Variants in EIF5B observed in about 807,000 individuals in gnomAD.
EIF5B encodes the protein eukaryotic translation initiation factor 5B.
A neutral mutation model predicts 147.5 loss-of-function variants in EIF5B; 47 were observed. The ratio of observed to expected loss-of-function variants is 0.32; its 90% CI spans 0.25 to 0.41. EIF5B has a LOEUF of 0.41. Ranked by LOEUF, EIF5B falls within the 10% of genes least tolerant of loss-of-function variation. The pLI is 1.00. For synonymous variants in EIF5B, 455 were observed against 456.2 expected (o/e 1.00, Z 0.03); for missense variants, 1,064 against 1,413.2 (o/e 0.75, Z 3.96).
At chr2:99,398,328 T>C (rs1675107527) in intron 22 of EIF5B, 1 of 157,118 alleles carries the variant, frequency 6.4e-6, no homozygotes, top group African/African-American at 2.4e-5. Context: ...ACTCATCTGC[T>C]CACAGGCCAT....
chr2:99,364,669 A>T (rs1674290555), intron 6 of EIF5B, among the ~76,000 whole-genome samples: 2 of 152,226 alleles, frequency 1.3e-5, no homozygotes, highest in African/African-American at 4.8e-5. Context: ...CACAAACAAG[A>T]ATAGTGATAA....
At chr2:99,385,891 C>G (rs780258654) in intron 14 of EIF5B, among the ~76,000 whole-genome samples, 1 of 152,220 alleles carries the variant, frequency 6.6e-6, no homozygotes, top group African/African-American at 2.4e-5. Flanking sequence ...GCTGCCCTCC[C>G]TAAACTCAAG....
intron 12 of EIF5B, among the ~76,000 whole-genome samples, chr2:99,381,957 G>T (rs1449377616): frequency 1.3e-5 from 2 of 151,882 alleles, no homozygotes; most frequent in Non-Finnish European, 1.5e-5. Context: ...TTCTCATTTA[G>T]TATTTTTTTG....
At chr2:99,371,483 C>T (rs1306115955) in intron 8 of EIF5B, among the ~76,000 whole-genome samples, 173 bp from the exon 9 acceptor site, 1 of 125,600 alleles carries the variant, frequency 8.0e-6, no homozygotes, top group Non-Finnish European at 1.7e-5. Context: ...GCAAAGACTC[C>T]GTCTCAAAAA....
At chr2:99,370,289 C>G (rs553902159) in intron 8 of EIF5B, among the ~76,000 whole-genome samples, 2 of 151,914 alleles carry the variant, frequency 1.3e-5, no homozygotes, top group Admixed American at 6.6e-5. Flanking sequence ...CTAACTCTTA[C>G]GACTAGATAT....
chr2:99,376,687 A>G (rs1457519717), intron 10 of EIF5B, 51 bp downstream of exon 10: 1 of 1,540,646 alleles, frequency 6.5e-7, no homozygotes, highest in Non-Finnish European at 8.7e-7. Flanking sequence ...CTCTGTGATG[A>G]TTAAAACAGT....
chr2:99,374,490 T>G (rs1046342309), intron 9 of EIF5B, among the ~76,000 whole-genome samples: 3 of 152,162 alleles, frequency 2.0e-5, no homozygotes, highest in Non-Finnish European at 4.4e-5. Context: ...AAGAACACTT[T>G]AGAGTTTTTT....
At chr2:99,362,501 C>T (rs1009463071) in intron 4 of EIF5B, among the ~76,000 whole-genome samples, 1 of 152,018 alleles carries the variant, frequency 6.6e-6, no homozygotes, top group African/African-American at 2.4e-5. Context: ...GAGATATAGA[C>T]CATCCTGGCT....
At chr2:99,366,964 T>C (rs940750126) in intron 6 of EIF5B, among the ~76,000 whole-genome samples, 2 of 152,162 alleles carry the variant, frequency 1.3e-5, no homozygotes, top group African/African-American at 4.8e-5. Flanking sequence ...TAGCAAGTGG[T>C]ACTAGAACAA....
chr2:99,351,055 G>T (rs907832486), intron 1 of EIF5B, among the ~76,000 whole-genome samples: 1 of 152,212 alleles, frequency 6.6e-6, no homozygotes. Context: ...GGCCAGGCAT[G>T]GTGGCTCACC....
chr2:99,361,582 A>C lies in EIF5B; in HGVS notation c.681A>C (p.Thr227=). ...ATGACGCCTCCTTCAAAATTAAGAC[A>C]GTGGCCCAAAAGAAGGCAGAAAAGA... The part of the protein sequence containing the change: ...EDDDASFKIK[T]VAQKKAEKKE... The change falls in exon 4 of 24, where the codon ACA becomes ACC. Residue 227 remains threonine, a synonymous_variant. Transcript: ENST00000289371. The C allele has an allele frequency of 6.2e-7, 1 of 1,609,372 alleles. No individual in the cohort carries two copies. Among genetic ancestry groups the C allele is most frequent in the Non-Finnish European group, 8.5e-7 (1 of 1,179,028 alleles).
rs796988859 is a variant in EIF5B, at chr2:99,393,223, C to T, written c.2880+125C>T. On this transcript the variant is annotated intron_variant, in intron 18 of 23. Coordinates refer to ENST00000289371, the MANE Select transcript of EIF5B (RefSeq NM_015904.4). ...TTTGTGAAGCCTGCCATTTCTTGGC[C>T]TCTTAGCAAACTTGATGCTTTTGAA... The T allele has an allele frequency of 6.2e-6, 5 of 807,304 alleles. No homozygotes were observed. In the African/African-American group the frequency reaches 8.9e-5, roughly 14 times the overall value. The allele number at this position is 807,304 out of a possible 1,614,324, so 50.0% of individuals were successfully genotyped here. A position where few individuals can be genotyped will look rare whatever the true frequency, so the allele number is the denominator to read the frequency against.
intron 1 of EIF5B, among the ~76,000 whole-genome samples, chr2:99,356,421 C>G (rs1221205412): frequency 3.9e-5 from 6 of 152,152 alleles, no homozygotes; most frequent in African/African-American, 1.4e-4. Context: ...ACACGTTTGT[C>G]TCTTCCCCAT....
chr2:99,394,478 C>G (rs764989108), intron 19 of EIF5B, 31 bp from the exon 20 acceptor site: 3 of 1,613,850 alleles, frequency 1.9e-6, no homozygotes, highest in African/African-American at 1.3e-5. Flanking sequence ...CTGATACATA[C>G]AGATAAACAT....
In EIF5B at chr2:99,361,315, T is replaced by A. The variant is rs559211004; in HGVS notation, c.414T>A (p.Asp138Glu). 6.2e-7 allele frequency: 1 copy of A among 1,608,302 alleles called. No individual in the cohort carries two copies. The highest frequency in any genetic ancestry group is 2.2e-5 in the East Asian group (1 of 44,842). Residue 138 changes from aspartate to glutamate, a missense_variant, in exon 4 of 24, where the codon GAT (aspartate) becomes GAA (glutamate). Asp to Glu is a conservative substitution (Grantham distance 45). This residue lies in a region of EIF5B where 458 missense variants were observed against 451.3 expected (regional missense o/e 1.01). Transcript: ENST00000289371. ...AAGTGGAAATGTACTCTGGGAGTGA[T>A]GATGATGATGATTTTAACAAACTTC... ...KPKVEMYSGS[D>E]DDDDFNKLPK...
chr2:99,399,056 C>T, intron 23 of EIF5B, 147 bp downstream of exon 23: 1 of 1,009,002 alleles, frequency 9.9e-7, no homozygotes, highest in East Asian at 2.6e-5. Flanking sequence ...TCTAGCTGGG[C>T]CTTGTCTGTT....
chr2:99,376,573 T>A lies in EIF5B; in HGVS notation c.1779T>A (p.Tyr593Ter). 6.2e-7 allele frequency: 1 copy of A among 1,613,958 alleles called. No homozygotes were observed. The highest frequency in any genetic ancestry group is 1.7e-5 in the Admixed American group (1 of 59,998). The change falls in exon 10 of 24, where the codon TAT becomes TAA. Residue 593 changes from tyrosine (Y) to a stop codon, truncating the protein, a stop_gained. Transcript: ENST00000289371. LOFTEE classifies it high-confidence loss of function. Reference sequence around the variant, plus strand: ...AAGAAATGAGCTCAGATTCTGAATATGACTCTGATGATGATCGGACTAAAG... The same window carrying A: ...AAGAAATGAGCTCAGATTCTGAATAAGACTCTGATGATGATCGGACTAAAG... ...PSKEMSSDSEYDSDDDRTKEE... is the reference protein window; with the variant it reads ...PSKEMSSDSE
At chr2:99,375,449 G>A (rs1674542198) in intron 9 of EIF5B, among the ~76,000 whole-genome samples, 1 of 152,102 alleles carries the variant, frequency 6.6e-6, no homozygotes, top group Non-Finnish European at 1.5e-5. Context: ...CTTATTCCTA[G>A]GGTACAGCTC....
intron 7 of EIF5B, among the ~76,000 whole-genome samples, chr2:99,369,190 C>T (rs930414873): frequency 1.3e-5 from 2 of 152,176 alleles, no homozygotes; most frequent in African/African-American, 4.8e-5. Flanking sequence ...GGGAGAATTG[C>T]TTGAACCCGG....
Sources: gnomAD v4.1 joint callset for allele counts (sites outside exome capture counted in the v4.1 genomes callset) on GRCh38, gnomAD v4.1.1 for gene constraint, gnomAD v4.1.1 regional missense constraint, MANE v1.5 for transcripts, NCBI Gene and HGNC (gene_info 2026-07-23, HGNC 2026-07-21) for gene names.